Variants in RBAK observed in about 807,000 individuals in gnomAD.
The protein encoded by RBAK is RB associated KRAB zinc finger, also known as RB-associated KRAB zinc finger protein.
RBAK carries 39 observed loss-of-function variants against 65.8 expected under a neutral mutation model. The observed-to-expected ratio is 0.59, with a 90% confidence interval of 0.46 to 0.77. RBAK has a LOEUF of 0.77. Among genes scored for constraint, RBAK ranks in the 30% least tolerant of loss-of-function variants. RBAK has a pLI of 0.00. For missense variants in RBAK, 884 were observed against 855.1 expected, an observed-to-expected ratio of 1.03 and a Z score of -0.42; for synonymous variants, 343 against 289.7, an observed-to-expected ratio of 1.18 and a Z score of -1.87.
At chr7:5,061,178 T>C (rs1429394420) in intron 4 of RBAK, among the ~76,000 whole-genome samples, 1 of 152,172 alleles carries the variant, frequency 6.6e-6, no homozygotes, top group Non-Finnish European at 1.5e-5. Flanking sequence ...AATTCAGTCC[T>C]TTGACAACCC....
At chr7:5,052,237 C>T (rs1170731536) in intron 2 of RBAK, among the ~76,000 whole-genome samples, 1 of 152,172 alleles carries the variant, frequency 6.6e-6, no homozygotes, top group African/African-American at 2.4e-5. Context: ...AACGTATTTG[C>T]ATCTTTATAT....
At position 5,064,690 on chromosome 7, in the gene RBAK, C is replaced by T. The variant is rs1362647364; in HGVS notation, c.1234C>T (p.Arg412Ter). Residue 412 changes from arginine (R) to a stop codon, truncating the protein, a stop_gained, in exon 5 of 5, where the codon CGA (arginine) becomes TGA (stop). Coordinates refer to ENST00000396912, the MANE Select transcript of RBAK (RefSeq NM_021163.4). LOFTEE classifies it high-confidence loss of function. The surrounding 1 kb of genome is among the most constrained non-coding windows in gnomAD (Gnocchi z 6.3). ...KCNECGKSYY[R>*]KSTLITHQRT... ...TAATGAATGTGGGAAATCCTACTAC[C>T]GAAAGTCTACTCTGATTACACATCA... 3.1e-6 allele frequency: 5 copies of T among 1,611,954 alleles called. No individual in the cohort carries two copies. Among genetic ancestry groups the T allele is most frequent in the Admixed American group, 1.7e-5 (1 of 59,918 alleles).
chr7:5,061,454 T>TTTTTC (rs1779069003), intron 4 of RBAK, among the ~76,000 whole-genome samples: 2 of 34,408 alleles, frequency 5.8e-5, no homozygotes, highest in South Asian at 2.2e-3. Flanking sequence ...TTTCTTTTTC[T>TTTTTC]TTTTTTTTTT....
In RBAK at chr7:5,045,988, G is replaced by C. The variant is rs1787967381; in HGVS notation, c.-453G>C. ...AGCGCCCGGGCCAGCACCTAGGCGG[G>C]CGCGGGGGTGTGCAGGCCAGGGTTC... On this transcript the variant is annotated 5_prime_UTR_variant, in exon 1 of 5. Transcript: ENST00000396912. 3.4e-6 allele frequency: 1 copy of C among 294,626 alleles called. No individual in the cohort carries two copies. Among genetic ancestry groups the C allele is most frequent in the Non-Finnish European group, 6.4e-6 (1 of 157,338 alleles). The allele number at this position is 294,626 out of a possible 1,614,324, so 18.3% of individuals were successfully genotyped here.
At position 5,066,298 on chromosome 7, in the gene RBAK, A is replaced by G. The variant is rs1382006185; in HGVS notation, c.*697A>G. 6 of 152,548 alleles carry G rather than the reference A, an allele frequency of 3.9e-5. No homozygotes were observed. The highest frequency in any genetic ancestry group is 2.6e-4 in the Admixed American group (4 of 15,278). 9.4% of individuals were successfully genotyped at this position (152,548 alleles called of 1,614,324 possible). A position where few individuals can be genotyped will look rare whatever the true frequency, so the allele number is the denominator to read the frequency against. ...AATACCTAGTTTTCTATTTAGAGGA[A>G]TTTACAAATGGGTTTTTAACAAATG... On this transcript the variant is annotated 3_prime_UTR_variant, in exon 5 of 5. Transcript: ENST00000396912.
At chr7:5,047,440 G>GA (rs993846491) in intron 1 of RBAK, among the ~76,000 whole-genome samples, 1 of 151,890 alleles carries the variant, frequency 6.6e-6, no homozygotes, top group Non-Finnish European at 1.5e-5. Context: ...TGTATAATGG[G>GA]AATTTTTTTT....
At chr7:5,058,728 A>G (rs1027351186) in intron 4 of RBAK, among the ~76,000 whole-genome samples, 6 of 152,214 alleles carry the variant, frequency 3.9e-5, no homozygotes, top group Admixed American at 3.9e-4. Flanking sequence ...CTCTGTCCAT[A>G]GTAGACATTC....
At position 5,057,676 on chromosome 7, in the gene RBAK, A is replaced by G. The variant is rs1562536705; in HGVS notation, c.143-8A>G. ...TTCCCCAAGTCCTCCTTCTTTTCCC[A>G]TTAACAGGATATGATACCACCAAGC... On this transcript the variant is annotated splice_polypyrimidine_tract_variant and splice_region_variant and intron_variant, in intron 3 of 4. Coordinates refer to ENST00000396912, the MANE Select transcript of RBAK (RefSeq NM_021163.4). 1.2e-6 allele frequency: 2 copies of G among 1,613,772 alleles called. No homozygotes were observed. The highest frequency in any genetic ancestry group is 1.7e-6 in the Non-Finnish European group (2 of 1,179,796).
rs901101121 is a variant in RBAK at position 5,066,673 on chromosome 7, T to C, written c.*1072T>C. The C allele has an allele frequency of 1.3e-5, 2 of 152,184 alleles. No homozygotes were observed. Among genetic ancestry groups the C allele is most frequent in the Non-Finnish European group, 2.9e-5 (2 of 68,004 alleles). 9.4% of individuals were successfully genotyped at this position (152,184 alleles called of 1,614,324 possible). ...ATTGATTCAAGTTTCTAGCAGATAT[T>C]TTTTGATCAATTAACTTAATGTCCT... On this transcript the variant is annotated 3_prime_UTR_variant, in exon 5 of 5. Coordinates refer to ENST00000396912, the MANE Select transcript of RBAK (RefSeq NM_021163.4).
intron 2 of RBAK, among the ~76,000 whole-genome samples, chr7:5,053,739 C>G (rs28770605): frequency 0.1 from 15,747 of 152,162 alleles, 904 homozygotes; most frequent in African/African-American, 0.14. Flanking sequence ...TGCTGTTAAT[C>G]TTGTCCAGTA....
chr7:5,064,651 A>T lies in RBAK; in HGVS notation c.1195A>T (p.Lys399Ter), dbSNP rs1456633627. ...SDHQRTHTGE[K>*]LYKCNECGKS... ...CCATCAGAGAACTCACACGGGAGAG[A>T]AGCTTTATAAATGTAATGAATGTGG... is the stretch of plus-strand genomic sequence containing the variant. The change falls in exon 5 of 5, where the codon AAG (lysine) becomes TAG (stop). Residue 399 changes from lysine to a stop codon, truncating the protein, a stop_gained. Coordinates refer to ENST00000396912, the MANE Select transcript of RBAK (RefSeq NM_021163.4). LOFTEE classifies it high-confidence loss of function. The surrounding 1 kb of genome is among the most constrained non-coding windows in gnomAD (Gnocchi z 6.3). 2.5e-6 allele frequency: 4 copies of T among 1,611,880 alleles called. No individual in the cohort carries two copies. The highest frequency in any genetic ancestry group is 3.4e-6 in the Non-Finnish European group (4 of 1,178,394).
At chr7:5,056,104 CTTTTTTT>C (rs887932671) in intron 2 of RBAK, among the ~76,000 whole-genome samples, 10 of 107,920 alleles carry the variant, frequency 9.3e-5, no homozygotes, top group Admixed American at 1.9e-4. Flanking sequence ...TTGCATTTTT[CTTTTTTT>C]TTTTTTTTTT....
chr7:5,068,344 G>A lies in RBAK; in HGVS notation c.*2743G>A, dbSNP rs1203684751. On this transcript the variant is annotated 3_prime_UTR_variant, in exon 5 of 5. Transcript: ENST00000396912. ...TTTGGTCTGCACTCATAGTTTTCTG[G>A]TCCCTGATCTCGAATATGTAAAGAG... 5 of 152,100 alleles carry A rather than the reference G, an allele frequency of 3.3e-5. No individual in the cohort carries two copies. Among genetic ancestry groups the A allele is most frequent in the Non-Finnish European group, 7.4e-5 (5 of 68,018 alleles). 9.4% of individuals were successfully genotyped at this position (152,100 alleles called of 1,614,324 possible).
At chr7:5,054,420 A>G (rs2115031996) in intron 2 of RBAK, among the ~76,000 whole-genome samples, 1 of 150,668 alleles carries the variant, frequency 6.6e-6, no homozygotes, top group East Asian at 1.9e-4. Flanking sequence ...AAAAAAAAAA[A>G]AACCATTGCT....
chr7:5,064,897 G>C lies in RBAK; in HGVS notation c.1441G>C (p.Glu481Gln). 1 of 1,614,004 alleles carries C rather than the reference G, an allele frequency of 6.2e-7. No individual in the cohort carries two copies. The highest frequency in any genetic ancestry group is 8.5e-7 in the Non-Finnish European group (1 of 1,179,924). ...CATTAGACATCGGAAAGTACACACA[G>C]AAGAGAAATCCCATGAATGTAGTGA... The part of the protein sequence containing the change: ...AFIRHRKVHT[E>Q]EKSHECSECG... Residue 481 changes from glutamate (E) to glutamine (Q), a missense_variant, in exon 5 of 5, where the codon GAA becomes CAA. By Grantham distance (29) the Glu-to-Gln change is conservative. Coordinates refer to ENST00000396912, the MANE Select transcript of RBAK (RefSeq NM_021163.4). This position sits in a 1 kb window ranked among gnomAD's most constrained non-coding sequence, Gnocchi z 6.3.
Position 5,057,239 on chromosome 7 carries a change from G to A in RBAK, c.16-56G>A, listed in dbSNP as rs527534830. The A allele has an allele frequency of 3.0e-5, 48 of 1,612,890 alleles. No individual in the cohort carries two copies. The African/African-American group carries it at 3.3e-4, about 11-fold the overall frequency. On this transcript the variant is annotated intron_variant, in intron 2 of 4. Coordinates refer to ENST00000396912, the MANE Select transcript of RBAK (RefSeq NM_021163.4). ...ACTTTACCGGTGGGCTTTGTAAAACGTTATCCCCCTATCCCTTTTCCGTAT... is the reference window on the plus strand; with the variant it reads ...ACTTTACCGGTGGGCTTTGTAAAACATTATCCCCCTATCCCTTTTCCGTAT...
intron 4 of RBAK, among the ~76,000 whole-genome samples, chr7:5,062,541 A>G (rs933403519): frequency 2.6e-5 from 4 of 152,182 alleles, no homozygotes; most frequent in African/African-American, 9.7e-5. Flanking sequence ...CCGGGGCAAA[A>G]TTAAAATTGC....
At chr7:5,062,699 A>C (rs1779106139) in intron 4 of RBAK, among the ~76,000 whole-genome samples, 4 of 152,182 alleles carry the variant, frequency 2.6e-5, no homozygotes, top group Admixed American at 2.6e-4. Context: ...GATTTATTTC[A>C]TCCTTACAGT....
chr7:5,064,541 T>C lies in RBAK; in HGVS notation c.1085T>C (p.Leu362Pro). ...KTFCQKTHLT[L>P]HQRNHSGERP... ...TTCTGCCAAAAGACACATCTCACCC[T>C]GCACCAGAGGAATCATTCAGGAGAG... The change falls in exon 5 of 5, where the codon CTG becomes CCG. Residue 362 changes from leucine (L) to proline (P), a missense_variant. Transcript: ENST00000396912. The surrounding 1 kb of genome is among the most constrained non-coding windows in gnomAD (Gnocchi z 6.3). The C allele has an allele frequency of 2.5e-6, 4 of 1,613,832 alleles. No homozygotes were observed. The highest frequency in any genetic ancestry group is 3.4e-6 in the Non-Finnish European group (4 of 1,179,840).
Sources: allele counts gnomAD v4.1 joint callset (sites outside exome capture counted in the v4.1 genomes callset), GRCh38; gene constraint gnomAD v4.1.1; non-coding constraint Gnocchi (gnomAD v3.1); transcripts MANE v1.5; gene names NCBI Gene and HGNC (gene_info 2026-07-23, HGNC 2026-07-21).